Variants in OR4K14 observed in about 807,000 individuals in gnomAD.
OR4K14 encodes the protein olfactory receptor 4K14.
For synonymous variants in OR4K14, 153 were observed against 141.5 expected (o/e 1.08, Z -0.58); for missense variants, 406 against 373.6 (o/e 1.09, Z -0.72).
At chr14:20,018,788 T>C (rs573054380) in intron 1 of OR4K14, among the ~76,000 whole-genome samples, 10 of 152,114 alleles carry the variant, frequency 6.6e-5, no homozygotes, top group Admixed American at 3.3e-4. Flanking sequence ...GTGAACTTTA[T>C]GATATATAAA....
chr14:20,017,673 G>T (rs1003337743), intron 1 of OR4K14, among the ~76,000 whole-genome samples: 1 of 151,964 alleles, frequency 6.6e-6, no homozygotes, highest in Admixed American at 6.6e-5. Flanking sequence ...CAATGGGAAG[G>T]GTAGTGGGGA....
intron 1 of OR4K14, among the ~76,000 whole-genome samples, chr14:20,016,488 G>C (rs1223846432): frequency 6.6e-6 from 1 of 152,010 alleles, no homozygotes; most frequent in Non-Finnish European, 1.5e-5. Flanking sequence ...GTTGTAGAAT[G>C]GCTTTTCTGA....
At chr14:20,017,766 C>T (rs1046720191) in intron 1 of OR4K14, among the ~76,000 whole-genome samples, 2 of 151,862 alleles carry the variant, frequency 1.3e-5, no homozygotes, top group African/African-American at 4.8e-5. Context: ...ATTTCCAAGA[C>T]CTCTCAACAA....
At chr14:20,016,485 A>G (rs1877102777) in intron 1 of OR4K14, among the ~76,000 whole-genome samples, 1 of 152,086 alleles carries the variant, frequency 6.6e-6, no homozygotes, top group South Asian at 2.1e-4. Context: ...TGGGTTGTAG[A>G]ATGGCTTTTC....
chr14:20,018,351 C>CT (rs991992656), intron 1 of OR4K14, among the ~76,000 whole-genome samples: 2 of 151,886 alleles, frequency 1.3e-5, no homozygotes, highest in East Asian at 3.9e-4. Flanking sequence ...AATTGCAACA[C>CT]TTTTTTTGAC....
intron 1 of OR4K14, among the ~76,000 whole-genome samples, chr14:20,018,413 C>A (rs1223212542): frequency 1.3e-5 from 2 of 151,916 alleles, no homozygotes; most frequent in Non-Finnish European, 2.9e-5. Flanking sequence ...AAGCCAAAAT[C>A]CCCAACGGGT....
Position 20,014,685 on chromosome 14 carries a change from C to T in OR4K14, c.509G>A (p.Cys170Tyr), listed in dbSNP as rs1379479875. ...QVAFTVNLPY[C>Y]GPNEVDSFFC... ...GAAGCTGTCTACCTCATTGGGGCCA[C>T]AGTAAGGCAAATTTACAGTGAAAGC... Residue 170 changes from cysteine (C) to tyrosine (Y), a missense_variant, in exon 2 of 2, where the codon TGT becomes TAT. Cys to Tyr is a radical substitution (Grantham distance 194, BLOSUM62 -2). Transcript: ENST00000641793. 14 of 1,614,102 alleles carry T rather than the reference C, an allele frequency of 8.7e-6. No individual in the cohort carries two copies. The South Asian group carries it at 1.3e-4, about 15-fold the overall frequency.
At chr14:20,015,279 A>G in intron 1 of OR4K14, 57 bp from the exon 2 acceptor site, 1 of 780,248 alleles carries the variant, frequency 1.3e-6, no homozygotes, top group East Asian at 2.6e-5. Flanking sequence ...CATTGTATTA[A>G]GTGAAATAAG....
Position 20,014,226 on chromosome 14 carries a change from G to C in OR4K14, c.*35C>G. On this transcript the variant is annotated 3_prime_UTR_variant, in exon 2 of 2. Transcript: ENST00000641793. Reference sequence around the variant, plus strand: ...ATTAAAGAAATTATATCTGCTGAATGAATAGAAACATCTAACACTATGGAA... The same window carrying C: ...ATTAAAGAAATTATATCTGCTGAATCAATAGAAACATCTAACACTATGGAA... 7.7e-7 allele frequency: 1 copy of C among 1,306,610 alleles called. No homozygotes were observed. Among genetic ancestry groups the C allele is most frequent in the South Asian group, 1.4e-5 (1 of 69,740 alleles). The allele number at this position is 1,306,610 out of a possible 1,614,324, so 80.9% of individuals were successfully genotyped here.
At chr14:20,017,906 A>G (rs1466056834) in intron 1 of OR4K14, among the ~76,000 whole-genome samples, 1 of 152,076 alleles carries the variant, frequency 6.6e-6, no homozygotes, top group Non-Finnish European at 1.5e-5. Context: ...AACAGGATGC[A>G]TAGGTCCCAT....
At chr14:20,017,879 G>A (rs1877130596) in intron 1 of OR4K14, among the ~76,000 whole-genome samples, 1 of 152,008 alleles carries the variant, frequency 6.6e-6, no homozygotes, top group Admixed American at 6.5e-5. Flanking sequence ...GTAGCTCTGA[G>A]TTTTCAGATG....
In OR4K14 at chr14:20,014,301, G is replaced by A. The variant is rs1341256048; in HGVS notation, c.893C>T (p.Ala298Val). The change falls in exon 2 of 2, where the codon GCT becomes GTT. Residue 298 changes from alanine (A) to valine (V), a missense_variant. By Grantham distance (64) the Ala-to-Val change is moderately conservative (BLOSUM62 0). Coordinates refer to ENST00000641793, the MANE Select transcript of OR4K14 (RefSeq NM_001004712.2). Reference protein sequence around the residue: ...YTLRNEEMKAAMKKLQNRRVT... With the variant: ...YTLRNEEMKAVMKKLQNRRVT... ...CCGTCGGTTTTGCAGTTTCTTCATA[G>A]CTGCTTTCATCTCCTCATTTCTCAA... 6.2e-7 allele frequency: 1 copy of A among 1,611,772 alleles called. No individual in the cohort carries two copies. The highest frequency in any genetic ancestry group is 1.3e-5 in the African/African-American group (1 of 74,720).
intron 1 of OR4K14, among the ~76,000 whole-genome samples, chr14:20,018,610 A>C (rs1229309200): frequency 6.6e-6 from 1 of 152,020 alleles, no homozygotes; most frequent in African/African-American, 2.4e-5. Flanking sequence ...CTTTTTAATA[A>C]AGATTAAGTG....
intron 1 of OR4K14, among the ~76,000 whole-genome samples, chr14:20,015,828 C>G (rs971774099): frequency 4.6e-5 from 7 of 151,878 alleles, no homozygotes; most frequent in Non-Finnish European, 1.0e-4. Flanking sequence ...TTGCCTTTTT[C>G]AAACTTCAGT....
At chr14:20,016,203 CTA>C (rs1207420480) in intron 1 of OR4K14, among the ~76,000 whole-genome samples, 1 of 97,008 alleles carries the variant, frequency 1.0e-5, no homozygotes, top group Non-Finnish European at 2.4e-5. Context: ...AAACACAAAA[CTA>C]AACCTAGCAA....
At chr14:20,015,335 G>A in intron 1 of OR4K14, 113 bp from the exon 2 acceptor site, 1 of 557,066 alleles carries the variant, frequency 1.8e-6, no homozygotes, top group Non-Finnish European at 3.1e-6. Context: ...TTAATATGTG[G>A]AATCTAAAAA....
rs1484048244 is a variant in OR4K14 at position 20,015,037 on chromosome 14, G to A, written c.157C>T (p.Pro53Ser). The part of the protein sequence containing the change: ...LLILVTVISD[P>S]CLHSSPMYFL... ...TACATAGGGGAGGAGTGCAGGCAGG[G>A]ATCAGAAATTACAGTGACCAAAATG... is the stretch of plus-strand genomic sequence containing the variant. The change falls in exon 2 of 2, where the codon CCC becomes TCC. Residue 53 changes from proline (P) to serine (S), a missense_variant. Coordinates refer to ENST00000641793, the MANE Select transcript of OR4K14 (RefSeq NM_001004712.2). 6 of 1,613,992 alleles carry A rather than the reference G, an allele frequency of 3.7e-6. No homozygotes were observed. The highest frequency in any genetic ancestry group is 5.1e-6 in the Non-Finnish European group (6 of 1,179,964).
At position 20,015,206 on chromosome 14, in the gene OR4K14, C is replaced by T; in HGVS notation, c.-13G>A. On this transcript the variant is annotated 5_prime_UTR_variant, in exon 2 of 2. Transcript: ENST00000641793. ...TCTGTGGGTCCATTGCCTCAGGTTTCAGACTTTGTTTGTAATCTAAATAAA... is the reference window on the plus strand; with the variant it reads ...TCTGTGGGTCCATTGCCTCAGGTTTTAGACTTTGTTTGTAATCTAAATAAA... 1.9e-6 allele frequency: 3 copies of T among 1,547,478 alleles called. No homozygotes were observed. Among genetic ancestry groups the T allele is most frequent in the Admixed American group, 2.0e-5 (1 of 50,654 alleles).
At position 20,015,110 on chromosome 14, in the gene OR4K14, A is replaced by G. The variant is rs1877069309; in HGVS notation, c.84T>C (p.Phe28=). The part of the protein sequence containing the change: ...CTSRHLQNFF[F]IFFFGVYVAI... ...CCACATAGACCCCAAAGAAAAATAT[A>G]AAGAAAAAATTTTGAAGATGTCGTG... The change falls in exon 2 of 2, where the codon TTT becomes TTC. Residue 28 remains phenylalanine, a synonymous_variant. Transcript: ENST00000641793. The G allele has an allele frequency of 2.5e-6, 4 of 1,613,934 alleles. No homozygotes were observed. The highest frequency in any genetic ancestry group is 3.4e-6 in the Non-Finnish European group (4 of 1,179,848).
Sources: allele counts gnomAD v4.1 joint callset (sites outside exome capture counted in the v4.1 genomes callset), GRCh38; gene constraint gnomAD v4.1.1; transcripts MANE v1.5; gene names NCBI Gene and HGNC (gene_info 2026-07-23, HGNC 2026-07-21).